Variants in DHX8 observed in about 807,000 individuals in gnomAD.
DHX8 encodes ATP-dependent RNA helicase DHX8.
Under a neutral mutation model 140.7 loss-of-function variants are expected in DHX8, and 67 were observed. The ratio of observed to expected loss-of-function variants is 0.48; its 90% confidence interval spans 0.39 to 0.58. DHX8 has a LOEUF of 0.58. DHX8 is among the 20% of genes least tolerant of loss of function. DHX8 has a pLI of 0.00. For synonymous variants in DHX8, 533 were observed against 553.2 expected (o/e 0.96, Z 0.51); for missense variants, 887 against 1,550.7 (o/e 0.57, Z 7.19).
Position 43,522,140 on chromosome 17 carries a change from C to T in DHX8, c.3357C>T (p.Asp1119=). Residue 1119 remains aspartate, a synonymous_variant, in exon 22 of 23, where the codon GAC becomes GAT. Transcript: ENST00000262415. ...TCTTCCGTAATGCTGCCAAGAAAGA[C>T]CCGCAGGAGGGTTACCGGACACTGA... ...SGFFRNAAKK[D]PQEGYRTLID... 2 of 1,614,102 alleles carry T rather than the reference C, an allele frequency of 1.2e-6. No homozygotes were observed. The highest frequency in any genetic ancestry group is 1.7e-6 in the Non-Finnish European group (2 of 1,180,010).
intron 10 of DHX8, among the ~76,000 whole-genome samples, chr17:43,499,670 T>G (rs572085151): frequency 5.1e-4 from 78 of 152,324 alleles, no homozygotes; most frequent in African/African-American, 1.7e-3. Flanking sequence ...GAAAAATTCT[T>G]ATACCTTTCT....
At chr17:43,491,527 A>G (rs1968515397) in intron 4 of DHX8, among the ~76,000 whole-genome samples, 1 of 147,814 alleles carries the variant, frequency 6.8e-6, no homozygotes, top group African/African-American at 2.5e-5. Flanking sequence ...GTGAAATTAG[A>G]TTTTTTTTTT....
chr17:43,529,210 C>T (rs929207461), downstream of DHX8: 5 of 1,613,840 alleles, frequency 3.1e-6, no homozygotes, highest in Non-Finnish European at 4.2e-6. Context: ...CTGGCCGGTT[C>T]TTCTGGATGC....
rs772476540 is a variant in DHX8, at chr17:43,491,288, ATATT to A, written c.393+39_393+42del. 16 of 1,133,572 alleles carry A rather than the reference ATATT, an allele frequency of 1.4e-5. No homozygotes were observed. The South Asian group carries it at 1.8e-4, about 13-fold the overall frequency. 70.2% of individuals were successfully genotyped at this position (1,133,572 alleles called of 1,614,324 possible). A position where few individuals can be genotyped will look rare whatever the true frequency, so the allele number is the denominator to read the frequency against. ...TTTTAAGAGTGTCTACTATAAATAT[ATATT>A]CTCAACCCCTTTTCTTTGTCTCATA... On this transcript the variant is annotated intron_variant, in intron 4 of 22. Coordinates refer to ENST00000262415, the MANE Select transcript of DHX8 (RefSeq NM_004941.3).
At chr17:43,527,028 A>G (rs1598186437), downstream of DHX8, among the ~76,000 whole-genome samples, 2 of 152,204 alleles carry the variant, frequency 1.3e-5, no homozygotes, top group East Asian at 3.9e-4. Flanking sequence ...TTTTTACCTG[A>G]GCATGTCTCC....
At chr17:43,495,757 A>C (rs1368310762) in intron 8 of DHX8, among the ~76,000 whole-genome samples, 2 of 152,146 alleles carry the variant, frequency 1.3e-5, no homozygotes, top group East Asian at 3.8e-4. Context: ...TCAGAGGAGA[A>C]AAAAACTGGG....
At chr17:43,538,051 G>A (rs895147415) in intron 3 of DHX8, among the ~76,000 whole-genome samples, 1 of 151,066 alleles carries the variant, frequency 6.6e-6, no homozygotes, top group Non-Finnish European at 1.5e-5. Context: ...TGAGGCAAGA[G>A]AATGGCGTGA....
At chr17:43,528,579 G>A (rs1429281171), downstream of DHX8, 2 of 1,614,034 alleles carry the variant, frequency 1.2e-6, no homozygotes, top group East Asian at 2.2e-5. Context: ...GCTCTGGGAG[G>A]TAGGCGGGGC....
chr17:43,497,781 G>A (rs920051592), intron 9 of DHX8, among the ~76,000 whole-genome samples: 4 of 152,126 alleles, frequency 2.6e-5, no homozygotes, highest in Non-Finnish European at 4.4e-5. Flanking sequence ...TGGGTAGTAA[G>A]AAATGTGTGT....
At position 43,506,999 on chromosome 17, in the gene DHX8, T is replaced by C. The variant is rs138806336; in HGVS notation, c.1729-4T>C. The C allele has an allele frequency of 1.9e-4, 300 of 1,575,456 alleles. 2 individuals are homozygous for C. In the East Asian group the frequency reaches 6.8e-3, roughly 36 times the overall value. On this transcript the variant is annotated splice_region_variant and splice_polypyrimidine_tract_variant and intron_variant, in intron 12 of 22. Transcript: ENST00000262415. Reference sequence around the variant, plus strand: ...TGACCATATTTATATTCTGTTGCTTTCAGGCCGTCCATGACAATCAGATCC... The same window carrying C: ...TGACCATATTTATATTCTGTTGCTTCCAGGCCGTCCATGACAATCAGATCC...
chr17:43,517,466 G>T, intron 18 of DHX8, 144 bp downstream of exon 18: 5 of 927,392 alleles, frequency 5.4e-6, no homozygotes, highest in Non-Finnish European at 7.8e-6. Flanking sequence ...AAATGGCTGT[G>T]ATAACAGCCT....
At chr17:43,526,346 C>T (rs1970615843), downstream of DHX8, 1 of 1,456,076 alleles carries the variant, frequency 6.9e-7, no homozygotes. Flanking sequence ...AGTTGCCTGC[C>T]TCTGCACACA....
chr17:43,497,704 A>G (rs1368764813), intron 9 of DHX8, among the ~76,000 whole-genome samples: 2 of 152,062 alleles, frequency 1.3e-5, no homozygotes, highest in Non-Finnish European at 1.5e-5. Flanking sequence ...GCAGTGAGCC[A>G]TGGTCATGCC....
At chr17:43,533,644 CT>C (rs1443967700) in intron 2 of DHX8, among the ~76,000 whole-genome samples, 2 of 152,118 alleles carry the variant, frequency 1.3e-5, no homozygotes, top group African/African-American at 4.8e-5. Flanking sequence ...GAAACAGAAT[CT>C]GCTCTGGCCT....
At position 43,519,933 on chromosome 17, in the gene DHX8, T is replaced by C. The variant is rs562728128; in HGVS notation, c.2800-197T>C. The C allele has an allele frequency of 1.1e-5, 6 of 534,420 alleles. No individual in the cohort carries two copies. The South Asian group carries it at 1.4e-4, about 12-fold the overall frequency. 33.1% of individuals were successfully genotyped at this position (534,420 alleles called of 1,614,324 possible). A position where few individuals can be genotyped will look rare whatever the true frequency, so the allele number is the denominator to read the frequency against. ...TCCAGCCTGGGTGACAGAGTGAGAC[T>C]CTGTCTCAAGTATGTGCTTTCTATT... On this transcript the variant is annotated intron_variant, in intron 18 of 22. Coordinates refer to ENST00000262415, the MANE Select transcript of DHX8 (RefSeq NM_004941.3).
At chr17:43,492,046 T>C in intron 4 of DHX8, 137 bp from the exon 5 acceptor site, 5 of 647,546 alleles carry the variant, frequency 7.7e-6, no homozygotes, top group South Asian at 7.3e-5. Context: ...TCTGCATCTA[T>C]CCTGAATCAA....
intron 17 of DHX8, among the ~76,000 whole-genome samples, chr17:43,514,246 G>C: frequency 6.6e-6 from 1 of 152,140 alleles, no homozygotes; most frequent in East Asian, 1.9e-4. Flanking sequence ...TTAAGAGTCT[G>C]AGGTGGGAGG....
chr17:43,522,813 C>T (rs980894294), intron 22 of DHX8, among the ~76,000 whole-genome samples: 1 of 149,872 alleles, frequency 6.7e-6, no homozygotes, highest in African/African-American at 2.5e-5. Flanking sequence ...TCTGTAATCC[C>T]AGCACTTTGG....
At chr17:43,527,746 G>A (rs1970660769), downstream of DHX8, 1 of 207,930 alleles carries the variant, frequency 4.8e-6, no homozygotes, top group South Asian at 1.9e-4. Context: ...TTAAGCGCCA[G>A]GGCCTGGCCC....
Sources: gnomAD v4.1 joint callset for allele counts (sites outside exome capture counted in the v4.1 genomes callset) on GRCh38, gnomAD v4.1.1 for gene constraint, MANE v1.5 for transcripts, NCBI Gene and HGNC (gene_info 2026-07-23, HGNC 2026-07-21) for gene names.